TLR4: variants seen among roughly 807,000 people sequenced by gnomAD.
The protein encoded by TLR4 is toll like receptor 4, also known as toll-like receptor 4.
TLR4 carries 17 observed loss-of-function variants against 27.4 expected under a neutral mutation model. That is an observed-to-expected ratio of 0.62 (90% CI 0.42 to 0.93). The LOEUF (loss-of-function observed/expected upper bound fraction) is 0.93, where lower values mean the gene tolerates loss of function less well. Among genes scored for constraint, TLR4 ranks in the 40% least tolerant of loss-of-function variants. The pLI, the probability that TLR4 is intolerant of heterozygous loss-of-function variation, is 0.00. For missense variants in TLR4, 926 were observed against 962.3 expected (o/e 0.96, Z 0.50); for synonymous variants, 363 against 365.7 (o/e 0.99, Z 0.08).
In TLR4 at chr9:117,714,231, T is replaced by G; in HGVS notation, c.2103T>G (p.Pro701=). 6.2e-7 allele frequency: 1 copy of G among 1,605,026 alleles called. No individual in the cohort carries two copies. Among genetic ancestry groups the G allele is most frequent in the Non-Finnish European group, 8.5e-7 (1 of 1,172,550 alleles). The change falls in exon 3 of 3, where the codon CCT becomes CCG. Residue 701 remains proline (P), a synonymous_variant. Coordinates refer to ENST00000355622, the MANE Select transcript of TLR4 (RefSeq NM_138554.5). ...ELVKNLEEGV[P]PFQLCLHYRD... is the part of the protein sequence containing the mutation. ...TAAAGAATTTAGAAGAAGGGGTGCCTCCATTTCAGCTCTGCCTTCACTACA... is the reference window on the plus strand; with the variant it reads ...TAAAGAATTTAGAAGAAGGGGTGCCGCCATTTCAGCTCTGCCTTCACTACA...
intron 1 of TLR4, 44 bp from the exon 2 acceptor site, chr9:117,708,519 G>T (rs201278970): frequency 6.2e-7 from 1 of 1,612,610 alleles, no homozygotes; most frequent in Non-Finnish European, 8.5e-7. Context: ...GGAGTTGGGA[G>T]ACCATGCAGT....
chr9:117,719,406 C>G lies in TLR4; in HGVS notation c.*4758C>G, dbSNP rs1433042316. ...AGTCCACTTCACCGCAGAAGCAGGGCTTCTAAATACTGTTCTATGGCAAGA... is the reference window on the plus strand; with the variant it reads ...AGTCCACTTCACCGCAGAAGCAGGGGTTCTAAATACTGTTCTATGGCAAGA... On this transcript the variant is annotated 3_prime_UTR_variant, in exon 3 of 3. Coordinates refer to ENST00000355622, the MANE Select transcript of TLR4 (RefSeq NM_138554.5). The G allele has an allele frequency of 1.3e-5, 2 of 152,250 alleles. No homozygotes were observed. The highest frequency in any genetic ancestry group is 3.9e-4 in the East Asian group (2 of 5,184). The allele number at this position is 152,250 out of a possible 1,614,324, so 9.4% of individuals were successfully genotyped here.
At position 117,722,025 on chromosome 9, in the gene TLR4, G is replaced by A. The variant is rs1454832570; in HGVS notation, c.*7377G>A. The A allele has an allele frequency of 6.6e-6, 1 of 152,114 alleles. No homozygotes were observed. Among genetic ancestry groups the A allele is most frequent in the African/African-American group, 2.4e-5 (1 of 41,414 alleles). The allele number at this position is 152,114 out of a possible 1,614,324, so 9.4% of individuals were successfully genotyped here. A position where few individuals can be genotyped will look rare whatever the true frequency, so the allele number is the denominator to read the frequency against. On this transcript the variant is annotated 3_prime_UTR_variant, in exon 3 of 3. Transcript: ENST00000355622. ...TCTCCTAGTTTCTACCTATCACGTT[G>A]TCATTTTCCCTTCTTTATCATCCTG...
chr9:117,709,571 A>G (rs1829196028), intron 2 of TLR4, among the ~76,000 whole-genome samples: 1 of 152,158 alleles, frequency 6.6e-6, no homozygotes, highest in Non-Finnish European at 1.5e-5. Flanking sequence ...AAGGGTTTTC[A>G]TCATCGGGGC....
rs929674547 is a variant in TLR4 at position 117,714,893 on chromosome 9, CAAAG to C, written c.*250_*253del. 5.5e-5 allele frequency: 30 copies of C among 546,362 alleles called. No homozygotes were observed. The Admixed American group carries it at 6.8e-4, about 12-fold the overall frequency. 33.8% of individuals were successfully genotyped at this position (546,362 alleles called of 1,614,324 possible). A position where few individuals can be genotyped will look rare whatever the true frequency, so the allele number is the denominator to read the frequency against. ...ACCAACTCAGTCAAGGAACCCATGA[CAAAG>C]AAAGTCATTTCAACTCTTACCTCAT... On this transcript the variant is annotated 3_prime_UTR_variant, in exon 3 of 3. Transcript: ENST00000355622.
At position 117,714,587 on chromosome 9, in the gene TLR4, C is replaced by T; in HGVS notation, c.2459C>T (p.Ser820Leu). The T allele has an allele frequency of 6.2e-7, 1 of 1,613,738 alleles. No individual in the cohort carries two copies. Among genetic ancestry groups the T allele is most frequent in the Non-Finnish European group, 8.5e-7 (1 of 1,179,972 alleles). ...RLRKALLDGKSWNPEGTVGTG... is the reference protein window; with the variant it reads ...RLRKALLDGKLWNPEGTVGTG... ...AGAAAAGCCCTGCTGGATGGTAAAT[C>T]ATGGAATCCAGAAGGAACAGTGGGT... Residue 820 changes from serine to leucine, a missense_variant, in exon 3 of 3, where the codon TCA becomes TTA. Ser to Leu is a moderately radical substitution (Grantham distance 145). Coordinates refer to ENST00000355622, the MANE Select transcript of TLR4 (RefSeq NM_138554.5).
rs1829307423 is a variant in TLR4, at chr9:117,714,518, G to A, written c.2390G>A (p.Trp797Ter). ...CTCAGCAGGAACACTTACCTGGAGT[G>A]GGAGGACAGTGTCCTGGGGCGGCAC... The part of the protein sequence containing the change: ...RLLSRNTYLE[W>*]EDSVLGRHIF... The change falls in exon 3 of 3, where the codon TGG becomes TAG. Residue 797 changes from tryptophan to a stop codon, truncating the protein, a stop_gained. Transcript: ENST00000355622. LOFTEE classifies it high-confidence loss of function. 1 of 1,613,746 alleles carries A rather than the reference G, an allele frequency of 6.2e-7. No individual in the cohort carries two copies. Among genetic ancestry groups the A allele is most frequent in the African/African-American group, 1.3e-5 (1 of 74,908 alleles).
At chr9:117,705,174 T>C (rs1829116301) in intron 1 of TLR4, among the ~76,000 whole-genome samples, 1 of 152,214 alleles carries the variant, frequency 6.6e-6, no homozygotes, top group Non-Finnish European at 1.5e-5. Context: ...TAATGTCAGC[T>C]AATGCAACAG....
At chr9:117,711,171 G>A (rs898812436) in intron 2 of TLR4, among the ~76,000 whole-genome samples, 5 of 152,126 alleles carry the variant, frequency 3.3e-5, no homozygotes, top group East Asian at 1.9e-4. Context: ...CTCTTCCAGC[G>A]TTCTTTCTAC....
rs539153708 is a variant in TLR4, at chr9:117,713,332, A to G, written c.1204A>G (p.Lys402Glu). 7.7e-5 allele frequency: 124 copies of G among 1,614,054 alleles called. No homozygotes were observed. In the South Asian group the frequency reaches 1.2e-3, roughly 16 times the overall value. The change falls in exon 3 of 3, where the codon AAG (lysine) becomes GAG (glutamate). Residue 402 changes from lysine (K) to glutamate (E), a missense_variant. Transcript: ENST00000355622. ...SQSDFGTTSL[K>E]YLDLSFNGVI... ...AAGTGATTTTGGGACAACCAGCCTA[A>G]AGTATTTAGATCTGAGCTTCAATGG...
intron 1 of TLR4, among the ~76,000 whole-genome samples, chr9:117,706,635 C>T (rs1255446580): frequency 1.3e-5 from 2 of 152,212 alleles, no homozygotes; most frequent in African/African-American, 2.4e-5. Context: ...TACGTGCTCA[C>T]GTTGTCCTCT....
chr9:117,714,410 G>T lies in TLR4; in HGVS notation c.2282G>T (p.Ser761Ile). 2 of 1,612,144 alleles carry T rather than the reference G, an allele frequency of 1.2e-6. No homozygotes were observed. Among genetic ancestry groups the T allele is most frequent in the Non-Finnish European group, 1.7e-6 (2 of 1,178,428 alleles). The change falls in exon 3 of 3, where the codon AGC (serine) becomes ATC (isoleucine). Residue 761 changes from serine (S) to isoleucine (I), a missense_variant. Physicochemically the swap from Ser to Ile is moderately radical, Grantham distance 142. Transcript: ENST00000355622. ...ATTGCTCAGACCTGGCAGTTTCTGA[G>T]CAGTCGTGCTGGTATCATCTTCATT... ...YEIAQTWQFL[S>I]SRAGIIFIVL...
Position 117,705,801 on chromosome 9 carries a change from C to T in TLR4, c.93+1236C>T, listed in dbSNP as rs531355319. ...AGGCTTCAATCTAACAAATTACTCT[C>T]CTTAAAAACTTTTAATAACTCTCCA... On this transcript the variant is annotated intron_variant, in intron 1 of 2. Transcript: ENST00000355622. Among the ~76,000 whole-genome samples the T allele has an allele frequency of 1.8e-4, 28 of 152,248 alleles. No homozygotes were observed. In the South Asian group the frequency reaches 5.8e-3, roughly 32 times the overall value.
In TLR4 at chr9:117,719,301, AG is replaced by A. The variant is rs1278822579; in HGVS notation, c.*4655del. 6.6e-6 allele frequency: 1 copy of A among 152,184 alleles called. No individual in the cohort carries two copies. The highest frequency in any genetic ancestry group is 1.9e-4 in the East Asian group (1 of 5,190). The allele number at this position is 152,184 out of a possible 1,614,324, so 9.4% of individuals were successfully genotyped here. A position where few individuals can be genotyped will look rare whatever the true frequency, so the allele number is the denominator to read the frequency against. On this transcript the variant is annotated 3_prime_UTR_variant, in exon 3 of 3. Transcript: ENST00000355622. ...CGAAAGTATTTCCAATTTACAAATGAGGAGTCTGAGTCTGGGAGTCATTCTG... is the reference window on the plus strand; with the variant it reads ...CGAAAGTATTTCCAATTTACAAATGAGAGTCTGAGTCTGGGAGTCATTCTG...
rs1642568762 is a variant in TLR4 at position 117,719,129 on chromosome 9, G to C, written c.*4481G>C. On this transcript the variant is annotated 3_prime_UTR_variant, in exon 3 of 3. Transcript: ENST00000355622. ...GGCTCAGGTCTTAATTCATGAAATG[G>C]AGGTAATAATACCTTGTTGGCAGAC... 1 of 151,980 alleles carries C rather than the reference G, an allele frequency of 6.6e-6. No homozygotes were observed. Among genetic ancestry groups the C allele is most frequent in the South Asian group, 2.1e-4 (1 of 4,832 alleles). 9.4% of individuals were successfully genotyped at this position (151,980 alleles called of 1,614,324 possible). A position where few individuals can be genotyped will look rare whatever the true frequency, so the allele number is the denominator to read the frequency against.
Position 117,721,785 on chromosome 9 carries a change from C to T in TLR4, c.*7137C>T, listed in dbSNP as rs1174033170. 2.6e-5 allele frequency: 4 copies of T among 152,258 alleles called. No homozygotes were observed. Among genetic ancestry groups the T allele is most frequent in the Middle Eastern group, 3.4e-3 (1 of 294 alleles). The allele number at this position is 152,258 out of a possible 1,614,324, so 9.4% of individuals were successfully genotyped here. A position where few individuals can be genotyped will look rare whatever the true frequency, so the allele number is the denominator to read the frequency against. On this transcript the variant is annotated 3_prime_UTR_variant, in exon 3 of 3. Transcript: ENST00000355622. ...ATAATGGAAAATGGAGAATAACCAC[C>T]CACATTTAATATGGTTATTGGTTTT... is the stretch of plus-strand genomic sequence containing the variant.
chr9:117,713,438 T>C lies in TLR4; in HGVS notation c.1310T>C (p.Met437Thr), dbSNP rs892863012. Residue 437 changes from methionine (M) to threonine (T), a missense_variant, in exon 3 of 3, where the codon ATG (methionine) becomes ACG (threonine). Met to Thr is a moderately conservative substitution (Grantham distance 81). Transcript: ENST00000355622. Reference sequence around the variant, plus strand: ...TTCCAGCATTCCAATTTGAAACAAATGAGTGAGTTTTCAGTATTCCTATCA... The same window carrying C: ...TTCCAGCATTCCAATTTGAAACAAACGAGTGAGTTTTCAGTATTCCTATCA... The part of the protein sequence containing the change: ...LDFQHSNLKQ[M>T]SEFSVFLSLR... The C allele has an allele frequency of 5.6e-6, 9 of 1,613,968 alleles. No homozygotes were observed. In the African/African-American group the frequency reaches 9.3e-5, roughly 17 times the overall value.
At position 117,713,904 on chromosome 9, in the gene TLR4, A is replaced by G. The variant is rs377266983; in HGVS notation, c.1776A>G (p.Gln592=). The G allele has an allele frequency of 1.1e-4, 170 of 1,613,912 alleles. No homozygotes were observed. Among genetic ancestry groups the G allele is most frequent in the Non-Finnish European group, 1.1e-4 (132 of 1,180,002 alleles). The change falls in exon 3 of 3, where the codon CAA becomes CAG. Residue 592 remains glutamine (Q), a synonymous_variant. Coordinates refer to ENST00000355622, the MANE Select transcript of TLR4 (RefSeq NM_138554.5). ...ACTCEHQSFL[Q]WIKDQRQLLV... is the part of the protein sequence containing the mutation. ...CTTGTGAACACCAGAGTTTCCTGCA[A>G]TGGATCAAGGACCAGAGGCAGCTCT...
At position 117,720,515 on chromosome 9, in the gene TLR4, T is replaced by C. The variant is rs1293095270; in HGVS notation, c.*5867T>C. 1 of 152,158 alleles carries C rather than the reference T, an allele frequency of 6.6e-6. No individual in the cohort carries two copies. Among genetic ancestry groups the C allele is most frequent in the African/African-American group, 2.4e-5 (1 of 41,430 alleles). 9.4% of individuals were successfully genotyped at this position (152,158 alleles called of 1,614,324 possible). A position where few individuals can be genotyped will look rare whatever the true frequency, so the allele number is the denominator to read the frequency against. ...AATAGTCTTGATTATAATTATAAAA[T>C]AATGGGTTTCTGAAAGGCTGCAAGC... On this transcript the variant is annotated 3_prime_UTR_variant, in exon 3 of 3. Coordinates refer to ENST00000355622, the MANE Select transcript of TLR4 (RefSeq NM_138554.5).
Sources: allele counts gnomAD v4.1 joint callset (sites outside exome capture counted in the v4.1 genomes callset), GRCh38; gene constraint gnomAD v4.1.1; transcripts MANE v1.5; gene names NCBI Gene and HGNC (gene_info 2026-07-23, HGNC 2026-07-21).